Variants in AMZ1 observed in about 807,000 individuals in gnomAD.
AMZ1 encodes the protein archaelysin family metallopeptidase 1, also known as archaemetzincin-1.
Under a neutral mutation model 29.9 loss-of-function variants are expected in AMZ1, and 39 were observed. That is an observed-to-expected ratio of 1.30 (90% CI 1.01 to 1.70). AMZ1 has a LOEUF of 1.70. Among genes scored for constraint, AMZ1 ranks in the 40% most tolerant of loss-of-function variants. AMZ1 has a pLI of 0.00. For synonymous variants in AMZ1, 458 were observed against 304.0 expected, an observed-to-expected ratio of 1.51 and a Z score of -5.27; for missense variants, 1,041 against 680.6, an observed-to-expected ratio of 1.53 and a Z score of -5.89.
chr7:2,711,661 T>A (rs1408616864), intron 6 of AMZ1, among the ~76,000 whole-genome samples: 1 of 152,192 alleles, frequency 6.6e-6, no homozygotes, highest in Non-Finnish European at 1.5e-5. Flanking sequence ...TTTCAAGTGA[T>A]CCTCCTGCCT....
At chr7:2,690,833 C>T (rs888916978) in intron 1 of AMZ1, among the ~76,000 whole-genome samples, 1 of 152,098 alleles carries the variant, frequency 6.6e-6, no homozygotes, top group African/African-American at 2.4e-5. Flanking sequence ...GGCTTGTGAA[C>T]TTTTGGTAAA....
chr7:2,726,495 G>A (rs967597184), intron 4 of AMZ1, among the ~76,000 whole-genome samples: 16 of 152,186 alleles, frequency 1.1e-4, no homozygotes, highest in African/African-American at 3.6e-4. Flanking sequence ...CAGGTGATTC[G>A]ACTGTGTCCC....
chr7:2,688,699 C>A (rs988624729), intron 1 of AMZ1, among the ~76,000 whole-genome samples: 2 of 152,126 alleles, frequency 1.3e-5, no homozygotes, highest in Non-Finnish European at 1.5e-5. Context: ...CAGGTGGGTG[C>A]GGGACGTCCC....
intron 4 of AMZ1, among the ~76,000 whole-genome samples, chr7:2,746,883 A>T (rs528376959): frequency 6.6e-6 from 1 of 152,222 alleles, no homozygotes; most frequent in Non-Finnish European, 1.5e-5. Flanking sequence ...AGAGAATACT[A>T]TCAACACCTC....
chr7:2,720,218 C>G (rs1000250397), downstream of AMZ1, among the ~76,000 whole-genome samples: 1 of 152,318 alleles, frequency 6.6e-6, no homozygotes, highest in Middle Eastern at 3.4e-3. Flanking sequence ...TCTACCCACG[C>G]GGACGCCCAT....
At chr7:2,709,511 C>A in intron 5 of AMZ1, 129 bp from the exon 6 acceptor site, 1 of 1,379,282 alleles carries the variant, frequency 7.3e-7, no homozygotes, top group Non-Finnish European at 9.7e-7. Flanking sequence ...AGGGGGAGGG[C>A]GCCTGGACCA....
intron 1 of AMZ1, among the ~76,000 whole-genome samples, chr7:2,698,404 C>CG (rs1403561109): frequency 6.6e-6 from 1 of 151,238 alleles, no homozygotes; most frequent in Non-Finnish European, 1.5e-5. Context: ...CTAGCATGGT[C>CG]GGGGGCACCT....
intron 1 of AMZ1, among the ~76,000 whole-genome samples, chr7:2,691,912 A>G (rs1787413190): frequency 6.6e-6 from 1 of 152,100 alleles, no homozygotes. Context: ...GGGCTGCTCC[A>G]GAGAAATAAT....
rs984621272 is a variant in AMZ1, at chr7:2,756,698, A to C, written n.551-8014A>C. On this transcript the variant is annotated intron_variant and non_coding_transcript_variant, in intron 4 of 4. Transcript: ENST00000489665. ...TCTGTGCTGTCAGAATTCTAAGATG[A>C]GCCTCGATGACAGACGCCCCTGTCT... is the stretch of plus-strand genomic sequence containing the variant. Among the ~76,000 whole-genome samples, 5 of 152,330 alleles carry C rather than the reference A, an allele frequency of 3.3e-5. No individual in the cohort carries two copies. In the South Asian group the frequency reaches 1.0e-3, roughly 32 times the overall value.
chr7:2,684,242 C>G (rs113454830), upstream of AMZ1, among the ~76,000 whole-genome samples: 23 of 152,222 alleles, frequency 1.5e-4, no homozygotes, highest in Middle Eastern at 0.014. Flanking sequence ...CTCTTTCTGT[C>G]TCTTACAAAG....
chr7:2,696,463 T>C (rs376140407), intron 1 of AMZ1, among the ~76,000 whole-genome samples: 19 of 151,022 alleles, frequency 1.3e-4, no homozygotes, highest in African/African-American at 2.4e-4. Context: ...TTCACCATGT[T>C]AGCCAGGATG....
intron 4 of AMZ1, among the ~76,000 whole-genome samples, chr7:2,727,519 G>A (rs1056618989): frequency 2.6e-5 from 4 of 152,094 alleles, no homozygotes; most frequent in African/African-American, 9.7e-5. Context: ...GGCACTACAA[G>A]CATGCACCAC....
At position 2,716,354 on chromosome 7, in the gene AMZ1, G is replaced by A. The variant is rs949815822; in HGVS notation, c.*3476G>A. On this transcript the variant is annotated 3_prime_UTR_variant, in exon 7 of 7. Transcript: ENST00000683327. Reference sequence around the variant, plus strand: ...GGGGAGAGGGGAGAAGCAGCATCCTGACTCCTGTCCATGGTGTGAACCCTG... The same window carrying A: ...GGGGAGAGGGGAGAAGCAGCATCCTAACTCCTGTCCATGGTGTGAACCCTG... 1.3e-5 allele frequency: 2 copies of A among 152,206 alleles called. No homozygotes were observed. Among genetic ancestry groups the A allele is most frequent in the African/African-American group, 4.8e-5 (2 of 41,436 alleles). The allele number at this position is 152,206 out of a possible 1,614,324, so 9.4% of individuals were successfully genotyped here.
chr7:2,697,258 G>C (rs191995581), intron 1 of AMZ1, among the ~76,000 whole-genome samples: 1 of 152,006 alleles, frequency 6.6e-6, no homozygotes, highest in Admixed American at 6.6e-5. Context: ...CACCACGCCC[G>C]GCTAATTTTT....
At chr7:2,750,925 C>G (rs7791837) in intron 4 of AMZ1, among the ~76,000 whole-genome samples, 1 of 152,030 alleles carries the variant, frequency 6.6e-6, no homozygotes, top group Non-Finnish European at 1.5e-5. Flanking sequence ...GGAACAGAAG[C>G]GAGAGATATG....
chr7:2,704,485 A>G lies in AMZ1; in HGVS notation c.472+1596A>G, dbSNP rs1788234866. Reference sequence around the variant, plus strand: ...GTGACAGAACAAGACCCGATCATTAAAAAAAAATCACAACCCCCATATATT... The same window carrying G: ...GTGACAGAACAAGACCCGATCATTAGAAAAAAATCACAACCCCCATATATT... On this transcript the variant is annotated intron_variant, in intron 3 of 6. Coordinates refer to ENST00000683327, the MANE Select transcript of AMZ1 (RefSeq NM_001384743.1). Among the ~76,000 whole-genome samples, 7 of 10,726 alleles carry G rather than the reference A, an allele frequency of 6.5e-4. 1 individual carries two copies. In the South Asian group the frequency reaches 0.064, roughly 98 times the overall value. 7.0% of individuals were successfully genotyped at this position (10,726 alleles called of 152,430 possible).
At chr7:2,693,273 A>T (rs1787514310) in intron 1 of AMZ1, among the ~76,000 whole-genome samples, 1 of 151,014 alleles carries the variant, frequency 6.6e-6, no homozygotes, top group Admixed American at 6.6e-5. Flanking sequence ...TTTTTAGGAG[A>T]GATGGGGTTT....
At position 2,719,020 on chromosome 7, in the gene AMZ1, T is replaced by C. The variant is rs1158371861; in HGVS notation, c.*6142T>C. Among the ~76,000 whole-genome samples, 2 of 97,180 alleles carry C rather than the reference T, an allele frequency of 2.1e-5. No homozygotes were observed. The highest frequency in any genetic ancestry group is 4.3e-5 in the Non-Finnish European group (2 of 46,088). The allele number at this position is 97,180 out of a possible 152,430, so 63.8% of individuals were successfully genotyped here. A position where few individuals can be genotyped will look rare whatever the true frequency, so the allele number is the denominator to read the frequency against. On this transcript the variant is annotated 3_prime_UTR_variant, in exon 7 of 7. Coordinates refer to ENST00000683327, the MANE Select transcript of AMZ1 (RefSeq NM_001384743.1). ...CAAGAACAGGCGACTTTTTTTTTTTTTTTTCCCCCCCATCTGAAGTGAGAT... is the reference window on the plus strand; with the variant it reads ...CAAGAACAGGCGACTTTTTTTTTTTCTTTTCCCCCCCATCTGAAGTGAGAT...
At position 2,718,253 on chromosome 7, in the gene AMZ1, CCTGA is replaced by C. The variant is rs1264048422; in HGVS notation, c.*5379_*5382del. Among the ~76,000 whole-genome samples, 1 of 152,224 alleles carries C rather than the reference CCTGA, an allele frequency of 6.6e-6. No individual in the cohort carries two copies. The highest frequency in any genetic ancestry group is 1.9e-4 in the East Asian group (1 of 5,192). On this transcript the variant is annotated 3_prime_UTR_variant, in exon 7 of 7. Transcript: ENST00000683327. ...CTCTGATGCCGAGAGCTCTGGCTCT[CCTGA>C]CTGTGGGCCCAGTGTCCATTTTCTC...
Sources: allele counts gnomAD v4.1 joint callset (sites outside exome capture counted in the v4.1 genomes callset), GRCh38; gene constraint gnomAD v4.1.1; transcripts MANE v1.5; gene names NCBI Gene and HGNC (gene_info 2026-07-23, HGNC 2026-07-21).